WAC: variants seen among roughly 807,000 people sequenced by gnomAD.
The protein encoded by WAC is WW domain containing adaptor with coiled-coil, also known as WW domain-containing adapter protein with coiled-coil.
Under a neutral mutation model 79.6 loss-of-function variants are expected in WAC, and 11 were observed. The observed-to-expected ratio is 0.14, with a 90% CI of 0.09 to 0.23. WAC has a LOEUF of 0.23. Among genes scored for constraint, WAC ranks in the 10% least tolerant of loss-of-function variants. WAC has a pLI of 1.00. For missense variants in WAC, 728 were observed against 773.5 expected, an observed-to-expected ratio of 0.94 and a Z score of 0.70; for synonymous variants, 304 against 276.9, an observed-to-expected ratio of 1.10 and a Z score of -0.97.
chr10:28,546,824 C>CTTCAAGCCTAAAT (rs1564376489), intron 3 of WAC, among the ~76,000 whole-genome samples: 1 of 148,920 alleles, frequency 6.7e-6, no homozygotes, highest in Non-Finnish European at 1.5e-5. Flanking sequence ...AGAGTTATCT[C>CTTCAAGCCTAAAT]GTTTTTTATT....
chr10:28,589,904 G>A, intron 5 of WAC, 53 bp downstream of exon 5: 2 of 1,314,354 alleles, frequency 1.5e-6, no homozygotes, highest in Non-Finnish European at 2.2e-6. Context: ...GGTTCTACTG[G>A]TTAACATCTT....
rs35294532 is a variant in WAC, at chr10:28,619,960, TAA to T, written c.*372_*373del. On this transcript the variant is annotated 3_prime_UTR_variant, in exon 14 of 14. Coordinates refer to ENST00000354911, the MANE Select transcript of WAC (RefSeq NM_016628.5). ...AACCTGTCTGCAAAATTAGCTTTTT[TAA>T]AAAAAAAAAAAAAAAAATTGGGGGG... The T allele has an allele frequency of 0.22, 31,896 of 141,950 alleles. 3,981 individuals carry two copies. Among genetic ancestry groups the T allele is most frequent in the Non-Finnish European group, 0.28 (17,982 of 65,056 alleles). 8.8% of individuals were successfully genotyped at this position (141,950 alleles called of 1,614,324 possible). A position where few individuals can be genotyped will look rare whatever the true frequency, so the allele number is the denominator to read the frequency against.
chr10:28,547,915 C>CTTTTTTTTTTTTTTTTTTTTTTTTTT (rs11408560), intron 3 of WAC, among the ~76,000 whole-genome samples: 3 of 132,328 alleles, frequency 2.3e-5, no homozygotes, highest in South Asian at 2.3e-4. Flanking sequence ...TTCTCTTTTT[C>CTTTTTTTTTTTTTTTTTTTTTTTTTT]TTTTTTTTTT....
chr10:28,576,347 GA>G (rs1379292028), intron 3 of WAC, among the ~76,000 whole-genome samples: 1 of 152,108 alleles, frequency 6.6e-6, no homozygotes, highest in Admixed American at 6.6e-5. Flanking sequence ...GAAATTTGTT[GA>G]GTGTTTCATC....
In WAC at chr10:28,595,845, T is replaced by C; in HGVS notation, c.723T>C (p.Ser241=). The C allele has an allele frequency of 1.9e-6, 3 of 1,614,166 alleles. No homozygotes were observed. In the South Asian group the frequency reaches 3.3e-5, roughly 18 times the overall value. ...GACTGCCAAGAGCAGAGACTCACAG[T>C]AGTTCTACGCCAGTACAGCACCCCA... The part of the protein sequence containing the change: ...DYRLPRAETH[S]SSTPVQHPIK... Residue 241 remains serine (S), a synonymous_variant, in exon 7 of 14, where the codon AGT becomes AGC. Transcript: ENST00000354911.
At chr10:28,571,745 T>A (rs1349153958) in intron 3 of WAC, among the ~76,000 whole-genome samples, 1 of 152,176 alleles carries the variant, frequency 6.6e-6, no homozygotes, top group Non-Finnish European at 1.5e-5. Flanking sequence ...TTAATTAGGG[T>A]CAGGAGGTAA....
intron 2 of WAC, chr10:28,534,411 A>G: frequency 4.8e-6 from 1 of 209,290 alleles, no homozygotes; most frequent in Non-Finnish European, 9.4e-6. Flanking sequence ...ATGTAAAGGT[A>G]TTAAAATTAA....
At chr10:28,572,024 A>G (rs1245378930) in intron 3 of WAC, among the ~76,000 whole-genome samples, 3 of 152,198 alleles carry the variant, frequency 2.0e-5, no homozygotes, top group Non-Finnish European at 4.4e-5. Context: ...GGAGCAATAT[A>G]GGATGTAATT....
intron 2 of WAC, 83 bp from the exon 3 acceptor site, chr10:28,535,476 GATA>G (rs1836594134): frequency 7.1e-7 from 1 of 1,401,096 alleles, no homozygotes; most frequent in African/African-American, 1.5e-5. Flanking sequence ...AAAATTTAAT[GATA>G]ATACACCAAA....
At position 28,571,663 on chromosome 10, in the gene WAC, G is replaced by A. The variant is rs551099874; in HGVS notation, c.275-11736G>A. Among the ~76,000 whole-genome samples, 3 of 152,314 alleles carry A rather than the reference G, an allele frequency of 2.0e-5. No individual in the cohort carries two copies. In the East Asian group the frequency reaches 5.8e-4, roughly 29 times the overall value. On this transcript the variant is annotated intron_variant, in intron 3 of 13. Transcript: ENST00000354911. ...AGCATGTACTTGAAGATTGCTTTGT[G>A]CTCATTTTCACTCCTTTTCAGATTG...
intron 8 of WAC, among the ~76,000 whole-genome samples, chr10:28,609,351 A>G (rs1242280199): frequency 6.6e-6 from 1 of 152,208 alleles, no homozygotes; most frequent in Non-Finnish European, 1.5e-5. Flanking sequence ...TGACAGAGCA[A>G]GACCCCATCT....
intron 3 of WAC, among the ~76,000 whole-genome samples, chr10:28,539,549 C>T (rs1024001128): frequency 5.8e-5 from 8 of 137,888 alleles, no homozygotes; most frequent in African/African-American, 2.2e-4. Context: ...CCTTAAGGTA[C>T]AATCGTTAGG....
intron 3 of WAC, among the ~76,000 whole-genome samples, chr10:28,565,994 T>A (rs2132515949): frequency 6.6e-6 from 1 of 152,256 alleles, no homozygotes; most frequent in Non-Finnish European, 1.5e-5. Flanking sequence ...ATACCAAAGT[T>A]TCATACTTAT....
At position 28,583,655 on chromosome 10, in the gene WAC, A is replaced by G. The variant is rs374740166; in HGVS notation, c.381+150A>G. 1.0e-4 allele frequency: 54 copies of G among 527,972 alleles called. 1 individual carries two copies. The highest frequency in any genetic ancestry group is 8.1e-4 in the East Asian group (24 of 29,484). The allele number at this position is 527,972 out of a possible 1,614,324, so 32.7% of individuals were successfully genotyped here. A position where few individuals can be genotyped will look rare whatever the true frequency, so the allele number is the denominator to read the frequency against. On this transcript the variant is annotated intron_variant, in intron 4 of 13. Transcript: ENST00000354911. Reference sequence around the variant, plus strand: ...AGTCTTAATGTGTTTATTTGATATTATTATTATCCTATTTTAAACCAATGA... The same window carrying G: ...AGTCTTAATGTGTTTATTTGATATTGTTATTATCCTATTTTAAACCAATGA...
At chr10:28,562,832 A>G (rs1024805967) in intron 3 of WAC, among the ~76,000 whole-genome samples, 2 of 152,144 alleles carry the variant, frequency 1.3e-5, no homozygotes, top group Non-Finnish European at 2.9e-5. Context: ...TTGTCTTCCC[A>G]GTTTGTGGCT....
chr10:28,619,480 G>A lies in WAC; in HGVS notation c.1875-57G>A, dbSNP rs543862343. On this transcript the variant is annotated intron_variant, in intron 13 of 13. Coordinates refer to ENST00000354911, the MANE Select transcript of WAC (RefSeq NM_016628.5). ...AAAAATTTTAATTATAAAAGCTCGGGTTTTCTGTAATATTTGTATATGTAC... is the reference window on the plus strand; with the variant it reads ...AAAAATTTTAATTATAAAAGCTCGGATTTTCTGTAATATTTGTATATGTAC... 1.3e-4 allele frequency: 174 copies of A among 1,301,578 alleles called. 3 individuals carry two copies. In the South Asian group the frequency reaches 2.6e-3, roughly 19 times the overall value. The allele number at this position is 1,301,578 out of a possible 1,614,324, so 80.6% of individuals were successfully genotyped here. A position where few individuals can be genotyped will look rare whatever the true frequency, so the allele number is the denominator to read the frequency against.
Position 28,608,048 on chromosome 10 carries a change from C to A in WAC, c.920-138C>A. 5.7e-6 allele frequency: 5 copies of A among 882,920 alleles called. No individual in the cohort carries two copies. In the Admixed American group the frequency reaches 7.2e-5, roughly 13 times the overall value. The allele number at this position is 882,920 out of a possible 1,614,324, so 54.7% of individuals were successfully genotyped here. A position where few individuals can be genotyped will look rare whatever the true frequency, so the allele number is the denominator to read the frequency against. ...AGTCATGTGAATGTTTACTGAGCAT[C>A]TTCTGTGTGCTCCAGTGTGTAAGGG... On this transcript the variant is annotated intron_variant, in intron 7 of 13. Transcript: ENST00000354911.
intron 8 of WAC, 46 bp from the exon 9 acceptor site, chr10:28,610,653 T>G: frequency 6.4e-7 from 1 of 1,557,978 alleles, no homozygotes; most frequent in Non-Finnish European, 8.6e-7. Context: ...TAATGCCACA[T>G]AAGCCTCTTG....
chr10:28,534,247 G>A (rs1836484496), intron 2 of WAC: 2 of 449,052 alleles, frequency 4.5e-6, no homozygotes, highest in Non-Finnish European at 7.8e-6. Flanking sequence ...ACTGGAGGGA[G>A]TTCGCTGATT....
Sources: allele counts gnomAD v4.1 joint callset (sites outside exome capture counted in the v4.1 genomes callset), GRCh38; gene constraint gnomAD v4.1.1; transcripts MANE v1.5; gene names NCBI Gene and HGNC (gene_info 2026-07-23, HGNC 2026-07-21).